GOLGB1: variants seen among roughly 807,000 people sequenced by gnomAD.
The protein encoded by GOLGB1 is golgin subfamily B member 1.
Under a neutral mutation model 336.9 loss-of-function variants are expected in GOLGB1, and 174 were observed. That is an observed-to-expected ratio of 0.52 (90% CI 0.46 to 0.59). The LOEUF is 0.59. GOLGB1 is among the 20% of genes least tolerant of loss of function. GOLGB1 has a pLI of 0.00. For synonymous variants in GOLGB1, 1,208 were observed against 1,289.2 expected, an observed-to-expected ratio of 0.94 and a Z score of 1.35; for missense variants, 3,331 against 3,645.3, an observed-to-expected ratio of 0.91 and a Z score of 2.22.
In GOLGB1 at chr3:121,691,848, C is replaced by A. The variant is rs777198012; in HGVS notation, c.7516G>T (p.Ala2506Ser). 6 of 1,612,886 alleles carry A rather than the reference C, an allele frequency of 3.7e-6. No homozygotes were observed. Among genetic ancestry groups the A allele is most frequent in the Non-Finnish European group, 5.1e-6 (6 of 1,179,470 alleles). Reference protein sequence around the residue: ...ILEKDQLIQEAAAENNKLKEE... With the variant: ...ILEKDQLIQESAAENNKLKEE... ...TTAAGCTTATTATTCTCTGCAGCAGCCTCTTGGATGAGTTGGTCTTTTTCC... is the reference window on the plus strand; with the variant it reads ...TTAAGCTTATTATTCTCTGCAGCAGACTCTTGGATGAGTTGGTCTTTTTCC... Residue 2506 changes from alanine to serine, a missense_variant, in exon 14 of 22, where the codon GCT becomes TCT. Physicochemically the swap from Ala to Ser is moderately conservative, Grantham distance 99. Coordinates refer to ENST00000614479, the MANE Select transcript of GOLGB1 (RefSeq NM_001366282.2).
intron 10 of GOLGB1, among the ~76,000 whole-genome samples, chr3:121,705,060 C>A (rs1453772293): frequency 1.3e-5 from 2 of 152,080 alleles, no homozygotes; most frequent in Non-Finnish European, 2.9e-5. Flanking sequence ...CTCTTAATGT[C>A]TTTCAAATAT....
intron 1 of GOLGB1, among the ~76,000 whole-genome samples, chr3:121,743,385 G>T (rs926709235): frequency 6.6e-6 from 1 of 152,186 alleles, no homozygotes; most frequent in East Asian, 1.9e-4. Context: ...AACACCGCAT[G>T]TTCTCACTCA....
At chr3:121,715,369 A>ATT (rs373634444) in intron 9 of GOLGB1, among the ~76,000 whole-genome samples, 13,791 of 128,442 alleles carry the variant, frequency 0.11, 959 homozygotes, top group African/African-American at 0.16. Flanking sequence ...TGCCTGGCTA[A>ATT]TTTTTTTTTT....
At chr3:121,677,529 C>T in intron 15 of GOLGB1, 79 bp from the exon 16 acceptor site, 2 of 883,690 alleles carry the variant, frequency 2.3e-6, no homozygotes, top group South Asian at 3.0e-5. Flanking sequence ...AACCTCAGCA[C>T]TTTGCTTATC....
intron 5 of GOLGB1, among the ~76,000 whole-genome samples, chr3:121,724,562 CA>C (rs34839183): frequency 8.7e-4 from 117 of 135,002 alleles, no homozygotes; most frequent in Admixed American, 8.4e-4. Context: ...GAAAACAGAG[CA>C]AAAAAAAAAA....
At position 121,691,993 on chromosome 3, in the gene GOLGB1, G is replaced by A; in HGVS notation, c.7371C>T (p.Asn2457=). 1 of 1,613,730 alleles carries A rather than the reference G, an allele frequency of 6.2e-7. No homozygotes were observed. The highest frequency in any genetic ancestry group is 8.5e-7 in the Non-Finnish European group (1 of 1,179,860). The change falls in exon 14 of 22, where the codon AAC becomes AAT. Residue 2457 remains asparagine (N), a synonymous_variant. Coordinates refer to ENST00000614479, the MANE Select transcript of GOLGB1 (RefSeq NM_001366282.2). ...AATCCAACTGTGCCTTTTGCTGAATGTTTTCCTTTTTGATGGTTTTCAGTG... is the reference window on the plus strand; with the variant it reads ...AATCCAACTGTGCCTTTTGCTGAATATTTTCCTTTTTGATGGTTTTCAGTG... ...METLKTIKKE[N]IQQKAQLDSF... is the part of the protein sequence containing the mutation.
Position 121,668,202 on chromosome 3 carries a change from A to G in GOLGB1, c.9322-44T>C, listed in dbSNP as rs776196044. 3 of 1,172,418 alleles carry G rather than the reference A, an allele frequency of 2.6e-6. No homozygotes were observed. In the Admixed American group the frequency reaches 6.2e-5, roughly 24 times the overall value. The allele number at this position is 1,172,418 out of a possible 1,614,324, so 72.6% of individuals were successfully genotyped here. On this transcript the variant is annotated intron_variant, in intron 18 of 21. Coordinates refer to ENST00000614479, the MANE Select transcript of GOLGB1 (RefSeq NM_001366282.2). ...TAGTAATTCAGTGATGAAAGCTCTT[A>G]AGAAAGTGTATTTGAGCAAAATGAG...
intron 1 of GOLGB1, chr3:121,749,030 G>A: frequency 2.4e-6 from 1 of 425,128 alleles, no homozygotes; most frequent in South Asian, 9.9e-5. Context: ...TGGGATTTTC[G>A]TGTTGACGGG....
rs773639723 is a variant in GOLGB1, at chr3:121,696,240, G to A, written c.4283C>T (p.Thr1428Ile). 2 of 1,613,890 alleles carry A rather than the reference G, an allele frequency of 1.2e-6. No individual in the cohort carries two copies. Among genetic ancestry groups the A allele is most frequent in the African/African-American group, 2.7e-5 (2 of 74,910 alleles). ...GQLSEKEAAL[T>I]KIQTEIIEQE... ...TTCTATTATCTCTGTCTGTATTTTA[G>A]TGAGAGCTGCTTCTTTCTCACTAAG... Residue 1428 changes from threonine (T) to isoleucine (I), a missense_variant, in exon 13 of 22, where the codon ACT becomes ATT. By Grantham distance (89) the Thr-to-Ile change is moderately conservative (BLOSUM62 -1). Transcript: ENST00000614479.
In GOLGB1 at chr3:121,698,651, C is replaced by A. The variant is rs764510094; in HGVS notation, c.1872G>T (p.Gly624=). The part of the protein sequence containing the change: ...IKMKVFLEDT[G]QDFPLMPNEE... ...CATTTGGCATTAAGGGAAAATCTTG[C>A]CCTGTATCTTCAAGAAATACTTTCA... The change falls in exon 13 of 22, where the codon GGG becomes GGT. Residue 624 remains glycine (G), a synonymous_variant. Transcript: ENST00000614479. 6 of 1,613,820 alleles carry A rather than the reference C, an allele frequency of 3.7e-6. No individual in the cohort carries two copies. The highest frequency in any genetic ancestry group is 5.1e-6 in the Non-Finnish European group (6 of 1,179,838).
chr3:121,744,098 A>T (rs2108423535), intron 1 of GOLGB1, among the ~76,000 whole-genome samples: 1 of 152,288 alleles, frequency 6.6e-6, no homozygotes, highest in African/African-American at 2.4e-5. Flanking sequence ...ATCATAGCAA[A>T]TGAGGAACAC....
chr3:121,711,630 G>GT (rs1287853779), intron 10 of GOLGB1, among the ~76,000 whole-genome samples: 21 of 152,230 alleles, frequency 1.4e-4, no homozygotes, highest in Non-Finnish European at 2.1e-4. Flanking sequence ...AAATTAATTT[G>GT]TTTATCAAGG....
In GOLGB1 at chr3:121,716,642, T is replaced by G. The variant is rs1944801033; in HGVS notation, c.1288+95A>C. On this transcript the variant is annotated intron_variant, in intron 9 of 21. Transcript: ENST00000614479. ...CAGTCCTTCTATTGGTTCAATTGGT[T>G]TGAGTACAGATTTCATTAACAGATC... is the stretch of plus-strand genomic sequence containing the variant. 3 of 1,029,436 alleles carry G rather than the reference T, an allele frequency of 2.9e-6. No individual in the cohort carries two copies. The Admixed American group carries it at 7.1e-5, about 24-fold the overall frequency. 63.8% of individuals were successfully genotyped at this position (1,029,436 alleles called of 1,614,324 possible).
chr3:121,687,343 A>G (rs1220955248), intron 14 of GOLGB1, among the ~76,000 whole-genome samples: 1 of 152,258 alleles, frequency 6.6e-6, no homozygotes, highest in Non-Finnish European at 1.5e-5. Flanking sequence ...TAGAGATAGT[A>G]CAACTTTTAA....
intron 14 of GOLGB1, among the ~76,000 whole-genome samples, chr3:121,689,593 T>G: frequency 6.6e-6 from 1 of 150,866 alleles, no homozygotes; most frequent in Middle Eastern, 3.2e-3. Flanking sequence ...CCTCCACTAT[T>G]GTCCTATGAC....
intron 5 of GOLGB1, among the ~76,000 whole-genome samples, chr3:121,726,572 T>C (rs1945632418): frequency 6.8e-6 from 1 of 148,088 alleles, no homozygotes; most frequent in Admixed American, 6.7e-5. Flanking sequence ...AAAAAATCAT[T>C]GCAGTATAGA....
chr3:121,731,962 T>G (rs983723019), intron 1 of GOLGB1, among the ~76,000 whole-genome samples: 7 of 151,988 alleles, frequency 4.6e-5, no homozygotes, highest in African/African-American at 1.4e-4. Context: ...AAGACACAAA[T>G]TACTGGCATC....
rs778615178 is a variant in GOLGB1 at position 121,676,985 on chromosome 3, C to T, written c.9085G>A (p.Val3029Ile). ...GTCCTGAGAAGTTCTGTCTCATAAA[C>T]CAGATTTTGTGACCCATCTGGGGAA... ...SASPDGSQNL[V>I]YETELLRTQL... Residue 3029 changes from valine (V) to isoleucine (I), a missense_variant, in exon 17 of 22, where the codon GTT becomes ATT. Physicochemically the swap from Val to Ile is conservative, Grantham distance 29 (BLOSUM62 3). Coordinates refer to ENST00000614479, the MANE Select transcript of GOLGB1 (RefSeq NM_001366282.2). 1.9e-6 allele frequency: 3 copies of T among 1,613,794 alleles called. No homozygotes were observed. The highest frequency in any genetic ancestry group is 1.3e-5 in the African/African-American group (1 of 75,024).
intron 1 of GOLGB1, among the ~76,000 whole-genome samples, chr3:121,735,951 T>C (rs992900629): frequency 2.0e-5 from 3 of 151,700 alleles, no homozygotes; most frequent in Non-Finnish European, 4.4e-5. Context: ...TAAGGAAGTG[T>C]TCAAAAAAGA....
Sources: allele counts gnomAD v4.1 joint callset (sites outside exome capture counted in the v4.1 genomes callset), GRCh38; gene constraint gnomAD v4.1.1; transcripts MANE v1.5; gene names NCBI Gene and HGNC (gene_info 2026-07-23, HGNC 2026-07-21).